The following PNOC variants were observed in gnomAD, a reference collection of about 807,000 sequenced individuals.
PNOC encodes prepronociceptin, also known as nociceptin.
Under a neutral mutation model 15.6 loss-of-function variants are expected in PNOC, and 10 were observed. That is an observed-to-expected ratio of 0.64 (90% CI 0.40 to 1.09). The LOEUF is 1.09. PNOC is among the 50% of genes least tolerant of loss of function. The probability of loss-of-function intolerance (pLI) is 0.01; values close to 1 mark genes in which losing one functional copy is unlikely to be tolerated. For missense variants in PNOC, 220 were observed against 223.9 expected (o/e 0.98, Z 0.11); for synonymous variants, 98 against 88.5 (o/e 1.11, Z -0.60).
chr8:28,334,466 G>C (rs1191422244), intron 2 of PNOC, among the ~76,000 whole-genome samples: 1 of 152,010 alleles, frequency 6.6e-6, no homozygotes, highest in Non-Finnish European at 1.5e-5. Flanking sequence ...CAATGCTTTA[G>C]GCTAAAAATT....
intron 2 of PNOC, among the ~76,000 whole-genome samples, chr8:28,336,016 G>T (rs1347987822): frequency 6.6e-6 from 1 of 151,964 alleles, no homozygotes; most frequent in East Asian, 1.9e-4. Flanking sequence ...GACAGGAGCT[G>T]CCTGCAACAG....
At chr8:28,330,073 A>C (rs1585833017) in intron 2 of PNOC, among the ~76,000 whole-genome samples, 1 of 151,934 alleles carries the variant, frequency 6.6e-6, no homozygotes, top group Non-Finnish European at 1.5e-5. Context: ...CAGCCTCCCA[A>C]GTAGCTGGGA....
intron 3 of PNOC, among the ~76,000 whole-genome samples, 174 bp from the exon 4 acceptor site, chr8:28,342,768 G>A (rs898136430): frequency 1.3e-5 from 2 of 152,208 alleles, no homozygotes; most frequent in Non-Finnish European, 2.9e-5. Flanking sequence ...ACCCGGGGCT[G>A]GGGGAGCAGA....
intron 2 of PNOC, 157 bp from the exon 3 acceptor site, chr8:28,338,883 A>G (rs1034965087): frequency 2.9e-6 from 3 of 1,018,580 alleles, no homozygotes; most frequent in Non-Finnish European, 4.0e-6. Flanking sequence ...CTGAAATTCT[A>G]CGAACCTAAA....
rs533777719 is a variant in PNOC, at chr8:28,319,614, G to A, written c.-24+2298G>A. 1.4e-3 allele frequency among the ~76,000 whole-genome samples: 209 copies of A among 152,298 alleles called. 1 individual carries two copies. The highest frequency in any genetic ancestry group is 4.3e-3 in the African/African-American group (178 of 41,560). On this transcript the variant is annotated intron_variant, in intron 1 of 3. Coordinates refer to ENST00000301908, the MANE Select transcript of PNOC (RefSeq NM_006228.5). ...GCTTATTTCATGCTAATACACACAT[G>A]CACATATGCACACTGGTAGGAATGG...
intron 1 of PNOC, among the ~76,000 whole-genome samples, chr8:28,317,860 C>A (rs1029002990): frequency 1.3e-5 from 2 of 152,156 alleles, no homozygotes; most frequent in Non-Finnish European, 2.9e-5. Context: ...CCTTCTGCCC[C>A]CAGCAGAAAT....
At chr8:28,338,648 A>G (rs945032920) in intron 2 of PNOC, 4 of 999,960 alleles carry the variant, frequency 4.0e-6, no homozygotes, top group Non-Finnish European at 4.8e-6. Context: ...GCCTGAAGAG[A>G]GAACAAAATA....
intron 1 of PNOC, among the ~76,000 whole-genome samples, chr8:28,327,853 G>T (rs1801251296): frequency 6.6e-6 from 1 of 151,854 alleles, no homozygotes; most frequent in Non-Finnish European, 1.5e-5. Flanking sequence ...CTGGAGGCTG[G>T]GAAGTTTGAG....
intron 2 of PNOC, among the ~76,000 whole-genome samples, chr8:28,332,239 A>T (rs1801340507): frequency 6.6e-6 from 1 of 152,196 alleles, no homozygotes; most frequent in African/African-American, 2.4e-5. Context: ...AAGTTTAATG[A>T]AATGCCTAGA....
chr8:28,326,023 C>T (rs1801220111), intron 1 of PNOC, among the ~76,000 whole-genome samples: 1 of 152,112 alleles, frequency 6.6e-6, no homozygotes, highest in African/African-American at 2.4e-5. Flanking sequence ...TATGTAGGCA[C>T]TGTGTTCATT....
In PNOC at chr8:28,339,152, T is replaced by C; in HGVS notation, c.239T>C (p.Val80Ala). The C allele has an allele frequency of 6.2e-7, 1 of 1,613,430 alleles. No homozygotes were observed. The highest frequency in any genetic ancestry group is 8.5e-7 in the Non-Finnish European group (1 of 1,179,452). Residue 80 changes from valine to alanine, a missense_variant, in exon 3 of 4, where the codon GTG (valine) becomes GCG (alanine). Val to Ala is a moderately conservative substitution (Grantham distance 64). Transcript: ENST00000301908. ...WQLSPAAPEH[V>A]AAALYQPRAS... ...CTCAGCCCTGCCGCCCCAGAGCATG[T>C]GGCGGCTGCTCTCTACCAGCCGAGA...
intron 1 of PNOC, among the ~76,000 whole-genome samples, chr8:28,324,768 C>T (rs1207332481): frequency 6.6e-6 from 1 of 152,068 alleles, no homozygotes; most frequent in Non-Finnish European, 1.5e-5. Flanking sequence ...GAGGCTGAGG[C>T]AAGAGAATTG....
chr8:28,337,161 G>A (rs1165150914), intron 2 of PNOC, among the ~76,000 whole-genome samples: 2 of 152,130 alleles, frequency 1.3e-5, no homozygotes, highest in African/African-American at 4.8e-5. Flanking sequence ...CCTTTGAGTC[G>A]CTGCATGGTT....
At chr8:28,325,116 C>T (rs1454638382) in intron 1 of PNOC, among the ~76,000 whole-genome samples, 3 of 152,200 alleles carry the variant, frequency 2.0e-5, no homozygotes, top group South Asian at 2.1e-4. Context: ...GATGAGAAAG[C>T]GCATATCACC....
At chr8:28,338,221 C>T (rs567596187) in intron 2 of PNOC, among the ~76,000 whole-genome samples, 2 of 152,192 alleles carry the variant, frequency 1.3e-5, no homozygotes, top group African/African-American at 2.4e-5. Flanking sequence ...TTCCAGGAGA[C>T]CCAATCAGAA....
intron 1 of PNOC, among the ~76,000 whole-genome samples, chr8:28,317,684 T>C (rs968890319): frequency 6.6e-6 from 1 of 151,302 alleles, no homozygotes; most frequent in Non-Finnish European, 1.5e-5. Context: ...TGGGAGGGGG[T>C]TTGCCTTCCA....
chr8:28,337,150 T>C lies in PNOC; in HGVS notation c.127-1890T>C, dbSNP rs149960654. ...GGCAGCTTCTAGCCCATGACTCCCA[T>C]CCTTTGAGTCGCTGCATGGTTTCTA... On this transcript the variant is annotated intron_variant, in intron 2 of 3. Transcript: ENST00000301908. Among the ~76,000 whole-genome samples, 97 of 152,260 alleles carry C rather than the reference T, an allele frequency of 6.4e-4. 5 individuals are homozygous for C. In the East Asian group the frequency reaches 0.017, roughly 26 times the overall value.
At chr8:28,341,924 GGA>G (rs1199984854) in intron 3 of PNOC, among the ~76,000 whole-genome samples, 8 of 152,150 alleles carry the variant, frequency 5.3e-5, no homozygotes, top group Non-Finnish European at 1.0e-4. Context: ...TACACATGAT[GGA>G]GATGTCTCCA....
At chr8:28,331,020 C>T (rs936594627) in intron 2 of PNOC, among the ~76,000 whole-genome samples, 2 of 151,998 alleles carry the variant, frequency 1.3e-5, no homozygotes, top group African/African-American at 2.4e-5. Context: ...AATGTAGAAC[C>T]GAGTATTTGC....
Sources: allele counts gnomAD v4.1 joint callset (sites outside exome capture counted in the v4.1 genomes callset), GRCh38; gene constraint gnomAD v4.1.1; transcripts MANE v1.5; gene names NCBI Gene and HGNC (gene_info 2026-07-23, HGNC 2026-07-21).